Variants in FRMD4A observed in about 807,000 individuals in gnomAD.
FRMD4A encodes FERM domain-containing protein 4A.
A neutral mutation model predicts 129.1 loss-of-function variants in FRMD4A; 29 were observed. That is an observed-to-expected ratio of 0.22 (90% CI 0.17 to 0.31). The LOEUF (loss-of-function observed/expected upper bound fraction) is 0.31, where lower values mean the gene tolerates loss of function less well. FRMD4A is among the 10% of genes least tolerant of loss of function. FRMD4A has a pLI of 1.00. For synonymous variants in FRMD4A, 634 were observed against 571.6 expected, an observed-to-expected ratio of 1.11 and a Z score of -1.56; for missense variants, 1,272 against 1,375.8, an observed-to-expected ratio of 0.92 and a Z score of 1.19.
chr10:13,987,045 T>G (rs991183038), intron 2 of FRMD4A, among the ~76,000 whole-genome samples: 1 of 152,178 alleles, frequency 6.6e-6, no homozygotes, highest in African/African-American at 2.4e-5. Flanking sequence ...TTGAGAGCCA[T>G]AGATCTAGGC....
chr10:14,325,950 T>A (rs1026706434), intron 2 of FRMD4A, among the ~76,000 whole-genome samples: 1 of 152,200 alleles, frequency 6.6e-6, no homozygotes, highest in Admixed American at 6.5e-5. Context: ...TTCAGGATAA[T>A]CCAATTGACA....
At chr10:14,145,419 G>A (rs188254150) in intron 2 of FRMD4A, among the ~76,000 whole-genome samples, 42 of 152,248 alleles carry the variant, frequency 2.8e-4, no homozygotes, top group African/African-American at 8.2e-4. Flanking sequence ...ACGTCTGAGC[G>A]CTGCTCTTTA....
At chr10:13,712,535 A>G (rs183205142) in intron 12 of FRMD4A, among the ~76,000 whole-genome samples, 1 of 152,134 alleles carries the variant, frequency 6.6e-6, no homozygotes, top group Non-Finnish European at 1.5e-5. Context: ...AAGAGCAACA[A>G]CAAAAAAAAC....
At chr10:13,981,990 C>T (rs574869288) in intron 2 of FRMD4A, among the ~76,000 whole-genome samples, 1 of 152,294 alleles carries the variant, frequency 6.6e-6, no homozygotes, top group African/African-American at 2.4e-5. Flanking sequence ...AGAAGCAGCT[C>T]TCTCTGACCT....
At chr10:14,229,617 G>A (rs919500987) in intron 2 of FRMD4A, among the ~76,000 whole-genome samples, 9 of 152,026 alleles carry the variant, frequency 5.9e-5, no homozygotes, top group African/African-American at 1.9e-4. Context: ...TTTAAAAAAA[G>A]ATGTAGAGAC....
chr10:14,251,601 G>A (rs59833361), intron 2 of FRMD4A, among the ~76,000 whole-genome samples: 2,057 of 152,292 alleles, frequency 0.014, 47 homozygotes, highest in African/African-American at 0.047. Flanking sequence ...CAATATGTGA[G>A]GCATAAACAG....
rs190751236 is a variant in FRMD4A, at chr10:13,842,605, C to G, written c.111+16242G>C. Among the ~76,000 whole-genome samples, 208 of 152,384 alleles carry G rather than the reference C, an allele frequency of 1.4e-3. 1 individual carries two copies. Among genetic ancestry groups the G allele is most frequent in the African/African-American group, 4.7e-3 (197 of 41,596 alleles). ...AGATGAGACAGAATTCAAACCGGAT[C>G]TGACTTTGCACAAAGTGCGAGCTTT... On this transcript the variant is annotated intron_variant, in intron 3 of 24. Transcript: ENST00000357447.
At chr10:13,772,931 T>C (rs550990706) in intron 6 of FRMD4A, among the ~76,000 whole-genome samples, 1 of 152,304 alleles carries the variant, frequency 6.6e-6, no homozygotes, top group East Asian at 1.9e-4. Context: ...AATTGTACAT[T>C]TTAATGTAAG....
intron 2 of FRMD4A, among the ~76,000 whole-genome samples, chr10:13,886,000 C>A (rs979235014): frequency 1.3e-5 from 2 of 152,112 alleles, no homozygotes; most frequent in African/African-American, 2.4e-5. Flanking sequence ...GGCAAGCCAG[C>A]GCTAGACTCT....
In FRMD4A at chr10:14,221,057, T is replaced by C. The variant is rs554898296; in HGVS notation, c.45+109001A>G. On this transcript the variant is annotated intron_variant, in intron 2 of 24. Coordinates refer to ENST00000357447, the MANE Select transcript of FRMD4A (RefSeq NM_018027.5). The stretch of plus-strand genomic sequence containing the variant: ...TTGGCTGGATTGAGGAGCAGAGAGA[T>C]TGAGGAAAGACTTCCTGAATAAACA... Among the ~76,000 whole-genome samples the C allele has an allele frequency of 6.0e-3, 912 of 152,018 alleles. 2 individuals are homozygous for C. The highest frequency in any genetic ancestry group is 9.9e-3 in the Non-Finnish European group (673 of 67,958).
At chr10:14,142,250 T>C (rs566300991) in intron 2 of FRMD4A, among the ~76,000 whole-genome samples, 1 of 152,222 alleles carries the variant, frequency 6.6e-6, no homozygotes, top group Non-Finnish European at 1.5e-5. Flanking sequence ...ATTCAATACA[T>C]GTGCATCATT....
chr10:13,676,487 C>T (rs1251085532), intron 15 of FRMD4A, among the ~76,000 whole-genome samples: 1 of 149,386 alleles, frequency 6.7e-6, no homozygotes, highest in South Asian at 2.1e-4. Context: ...GTTGGCCAGG[C>T]TGGTCTTGAA....
intron 3 of FRMD4A, among the ~76,000 whole-genome samples, chr10:13,825,050 C>T (rs1004027034): frequency 1.1e-4 from 16 of 152,138 alleles, no homozygotes; most frequent in Admixed American, 1.0e-3. Flanking sequence ...TACCTGAAAC[C>T]ATGGGTAACA....
intron 2 of FRMD4A, among the ~76,000 whole-genome samples, chr10:14,157,547 G>A (rs1840664450): frequency 6.6e-6 from 1 of 152,192 alleles, no homozygotes; most frequent in Admixed American, 6.5e-5. Context: ...CACGGTGACT[G>A]GAACTCGGCA....
chr10:13,736,822 G>T (rs1198627898), intron 12 of FRMD4A, among the ~76,000 whole-genome samples: 6 of 152,192 alleles, frequency 3.9e-5, no homozygotes, highest in African/African-American at 1.4e-4. Context: ...TCCACCGGGG[G>T]ATCTGAATGA....
chr10:13,891,445 T>G (rs2094695349), intron 2 of FRMD4A, among the ~76,000 whole-genome samples: 1 of 150,436 alleles, frequency 6.6e-6, no homozygotes, highest in Admixed American at 6.6e-5. Context: ...GCACAGTATG[T>G]GCCCCACGTG....
rs75281593 is a variant in FRMD4A at position 14,085,553 on chromosome 10, T to C, written c.46-226641A>G. 9.9e-3 allele frequency among the ~76,000 whole-genome samples: 1,508 copies of C among 152,314 alleles called. 87 individuals carry two copies. In the East Asian group the frequency reaches 0.17, roughly 17 times the overall value. On this transcript the variant is annotated intron_variant, in intron 2 of 24. Transcript: ENST00000357447. ...AGAGACGGAACGGGTCTCAGAAGCT[T>C]GCTTTCAGAGGGCTTGCCTTTCAAC... is the stretch of plus-strand genomic sequence containing the variant.
chr10:13,871,129 G>A (rs1451414792), intron 2 of FRMD4A: 3 of 163,982 alleles, frequency 1.8e-5, no homozygotes, highest in African/African-American at 4.8e-5. Context: ...TGGATGCTTG[G>A]GTTCGCCCTG....
intron 2 of FRMD4A, among the ~76,000 whole-genome samples, chr10:14,051,612 TG>T (rs1344959975): frequency 6.6e-6 from 1 of 152,224 alleles, no homozygotes; most frequent in African/African-American, 2.4e-5. Context: ...TGGTTGACAC[TG>T]GCAGATTCAG....
Sources: gnomAD v4.1 joint callset for allele counts (sites outside exome capture counted in the v4.1 genomes callset) on GRCh38, gnomAD v4.1.1 for gene constraint, MANE v1.5 for transcripts, NCBI Gene and HGNC (gene_info 2026-07-23, HGNC 2026-07-21) for gene names.